Variants in ZC3H12B observed in about 807,000 individuals in gnomAD.
ZC3H12B encodes zinc finger CCCH-type containing 12B, also known as probable ribonuclease ZC3H12B.
In ZC3H12B, 7 loss-of-function variants were observed where a neutral mutation model predicts 43.9. The ratio of observed to expected loss-of-function variants is 0.16; its 90% confidence interval spans 0.09 to 0.30. The LOEUF (loss-of-function observed/expected upper bound fraction) is 0.30. Ranked by LOEUF, ZC3H12B falls within the 10% of genes least tolerant of loss-of-function variation. ZC3H12B has a pLI of 1.00. For synonymous variants in ZC3H12B, 222 were observed against 241.7 expected (o/e 0.92, Z 0.76); for missense variants, 475 against 670.2 (o/e 0.71, Z 3.22).
the ZC3H12B span, among the ~76,000 whole-genome samples, chrX:65,227,405 C>A: frequency 9.0e-6 from 1 of 111,630 alleles, no homozygotes; most frequent in African/African-American, 3.3e-5. Flanking sequence ...AAATTTATAA[C>A]ACTAAATGCC....
chrX:65,395,547 G>A (rs1347147297), intron 2 of ZC3H12B, among the ~76,000 whole-genome samples: 5 of 112,245 alleles, frequency 4.5e-5, no homozygotes, highest in Non-Finnish European at 7.5e-5. Context: ...TTGCATCTCA[G>A]GGATGAAGCC....
intron 2 of ZC3H12B, among the ~76,000 whole-genome samples, chrX:65,390,986 A>G (rs1402975119): frequency 1.8e-5 from 2 of 112,078 alleles, no homozygotes; most frequent in African/African-American, 6.5e-5. Context: ...AATACAATAA[A>G]ATTCACAGAA....
At chrX:65,078,106 A>G in the ZC3H12B span, among the ~76,000 whole-genome samples, 1 of 112,024 alleles carries the variant, frequency 8.9e-6, no homozygotes, top group Admixed American at 9.5e-5. Context: ...CCTAAGCAAT[A>G]AAGTTAGTGG....
At chrX:65,198,327 A>T in the ZC3H12B span, among the ~76,000 whole-genome samples, 1 of 111,974 alleles carries the variant, frequency 8.9e-6, no homozygotes, top group East Asian at 2.8e-4. Context: ...TACTATTATC[A>T]ACAAGTTTTT....
chrX:65,200,426 CTTTTTTTTT>C, the ZC3H12B span, among the ~76,000 whole-genome samples: 4 of 59,596 alleles, frequency 6.7e-5, no homozygotes, highest in African/African-American at 9.1e-5. Flanking sequence ...ATAGTTTCCT[CTTTTTTTTT>C]TTTTTTTTTT....
At chrX:65,230,389 T>A in the ZC3H12B span, among the ~76,000 whole-genome samples, 2 of 105,517 alleles carry the variant, frequency 1.9e-5, no homozygotes, top group Non-Finnish European at 3.9e-5. Flanking sequence ...TGTTGTGGGA[T>A]GGGGGGAAGG....
intron 2 of ZC3H12B, among the ~76,000 whole-genome samples, chrX:65,392,818 G>C (rs1006506759): frequency 8.8e-6 from 1 of 113,038 alleles, no homozygotes; most frequent in Admixed American, 9.3e-5. Flanking sequence ...GGGAAATGTG[G>C]GGAAAAGAAA....
intron 3 of ZC3H12B, among the ~76,000 whole-genome samples, chrX:65,448,949 G>GAAATAA (rs1433745228): frequency 2.6e-4 from 15 of 57,494 alleles, no homozygotes; most frequent in Non-Finnish European, 7.0e-5. Flanking sequence ...AAGAAAGAAA[G>GAAATAA]AAAGAAAAAG....
At chrX:65,123,175 T>C in the ZC3H12B span, among the ~76,000 whole-genome samples, 8 of 102,660 alleles carry the variant, frequency 7.8e-5, no homozygotes, top group Non-Finnish European at 1.5e-4. Context: ...TCTGGATCTG[T>C]TGACAAAATC....
chrX:65,121,357 C>G, the ZC3H12B span, among the ~76,000 whole-genome samples: 26 of 111,484 alleles, frequency 2.3e-4, no homozygotes, highest in East Asian at 5.4e-3. Context: ...AGAGAATCAG[C>G]TTCTTCCTGG....
At chrX:65,168,053 C>A in the ZC3H12B span, among the ~76,000 whole-genome samples, 11 of 111,791 alleles carry the variant, frequency 9.8e-5, no homozygotes, top group Non-Finnish European at 1.9e-5. Context: ...ATTTCCCTGG[C>A]CAGAACTTCC....
chrX:65,181,962 T>C, the ZC3H12B span, among the ~76,000 whole-genome samples: 1 of 111,750 alleles, frequency 8.9e-6, no homozygotes, highest in Non-Finnish European at 1.9e-5. Flanking sequence ...CGTATGTCTA[T>C]TGCAGCACTG....
chrX:65,091,376 A>G, the ZC3H12B span, among the ~76,000 whole-genome samples: 2 of 112,255 alleles, frequency 1.8e-5, no homozygotes, highest in African/African-American at 3.2e-5. Flanking sequence ...CTGATTTTCA[A>G]TTTCTGACTT....
chrX:65,101,208 A>T, the ZC3H12B span, among the ~76,000 whole-genome samples: 2 of 112,272 alleles, frequency 1.8e-5, no homozygotes, highest in African/African-American at 3.2e-5. Context: ...GAGAACAAAG[A>T]TACAATGTAC....
At chrX:65,394,268 C>A (rs1179121526) in intron 2 of ZC3H12B, among the ~76,000 whole-genome samples, 2 of 112,021 alleles carry the variant, frequency 1.8e-5, no homozygotes, top group East Asian at 5.6e-4. Flanking sequence ...GCCATGAAGT[C>A]TTTTTCCCTT....
the ZC3H12B span, among the ~76,000 whole-genome samples, chrX:65,138,818 A>G: frequency 2.7e-5 from 3 of 111,588 alleles, no homozygotes; most frequent in African/African-American, 6.5e-5. Context: ...TATGGTTTTA[A>G]TTTGCCTTTC....
chrX:65,101,976 A>T, the ZC3H12B span, among the ~76,000 whole-genome samples: 2 of 112,260 alleles, frequency 1.8e-5, no homozygotes, highest in East Asian at 5.6e-4. Flanking sequence ...ATCGAGGCAA[A>T]TATCTTCAAT....
intron 1 of ZC3H12B, among the ~76,000 whole-genome samples, chrX:65,490,379 GAAAAAA>G (rs1032989325): frequency 5.5e-5 from 3 of 54,996 alleles, no homozygotes; most frequent in African/African-American, 1.4e-4. Context: ...ACTGTTTCAG[GAAAAAA>G]AAAAAAAAAA....
chrX:65,414,802 C>T (rs899728721), intron 3 of ZC3H12B, among the ~76,000 whole-genome samples: 3 of 112,057 alleles, frequency 2.7e-5, no homozygotes, highest in Admixed American at 9.5e-5. Flanking sequence ...CTGGGACCTG[C>T]CACTAGTTAG....
Sources: allele counts gnomAD v4.1 joint callset (sites outside exome capture counted in the v4.1 genomes callset), GRCh38; gene constraint gnomAD v4.1.1; transcripts MANE v1.5; gene names NCBI Gene and HGNC (gene_info 2026-07-23, HGNC 2026-07-21).